The following BLTP1 variants were observed in gnomAD, a reference collection of about 807,000 sequenced individuals.
BLTP1 encodes the protein bridge-like lipid transfer protein family member 1.
chr4:122,183,923 AT>A, the BLTP1 span, among the ~76,000 whole-genome samples: 219 of 149,862 alleles, frequency 1.5e-3, 1 homozygote, highest in Middle Eastern at 0.014. Context: ...AAAGAGGTAC[AT>A]TTTTTTTTTC....
the BLTP1 span, among the ~76,000 whole-genome samples, chr4:122,309,743 T>TA: frequency 6.6e-6 from 1 of 152,044 alleles, no homozygotes. Flanking sequence ...TTTGACCAGA[T>TA]AAAGCATTTT....
chr4:122,192,271 T>C, the BLTP1 span: 1 of 1,613,134 alleles, frequency 6.2e-7, no homozygotes, highest in Non-Finnish European at 8.5e-7. Flanking sequence ...GAAGGAGAAA[T>C]GAGCAGTGAG....
At chr4:122,179,087 A>G in the BLTP1 span, among the ~76,000 whole-genome samples, 3 of 151,964 alleles carry the variant, frequency 2.0e-5, no homozygotes, top group South Asian at 4.2e-4. Flanking sequence ...AGACCAGCTT[A>G]TACAACATTA....
the BLTP1 span, chr4:122,306,720 CAGT>C: frequency 1.1e-6 from 1 of 921,322 alleles, no homozygotes; most frequent in Non-Finnish European, 1.3e-6. Context: ...GAAAATATAG[CAGT>C]AGGTTTCATA....
chr4:122,285,396 C>T, the BLTP1 span, among the ~76,000 whole-genome samples: 1 of 152,000 alleles, frequency 6.6e-6, no homozygotes, highest in Non-Finnish European at 1.5e-5. Context: ...GTGGTGGCAG[C>T]GACAGTGGTA....
At chr4:122,204,684 A>C in the BLTP1 span, 1 of 605,946 alleles carries the variant, frequency 1.7e-6, no homozygotes, top group African/African-American at 2.0e-5. Context: ...AGGTGAGAAA[A>C]TCAGTCTGAT....
At chr4:122,154,670 G>A in the BLTP1 span, among the ~76,000 whole-genome samples, 23 of 152,230 alleles carry the variant, frequency 1.5e-4, no homozygotes, top group African/African-American at 5.5e-4. Flanking sequence ...TCAGGAGATC[G>A]AGACCATCCT....
At chr4:122,268,507 GC>G in the BLTP1 span, among the ~76,000 whole-genome samples, 1 of 151,944 alleles carries the variant, frequency 6.6e-6, no homozygotes, top group Non-Finnish European at 1.5e-5. Context: ...TTCTGTCGTG[GC>G]CACTTTCCTC....
the BLTP1 span, chr4:122,344,657 GT>G: frequency 8.5e-7 from 1 of 1,183,392 alleles, no homozygotes; most frequent in Non-Finnish European, 1.2e-6. Context: ...GTCACTTAAT[GT>G]TAAGCTTTCA....
chr4:122,293,229 G>A, the BLTP1 span: 5 of 955,282 alleles, frequency 5.2e-6, no homozygotes, highest in African/African-American at 8.8e-5. Context: ...AAACTTGATT[G>A]ACACAAAAGT....
chr4:122,193,031 G>C, the BLTP1 span, among the ~76,000 whole-genome samples: 2 of 152,152 alleles, frequency 1.3e-5, no homozygotes, highest in African/African-American at 4.8e-5. Flanking sequence ...TTGACTTGTA[G>C]ATGGCTGTTG....
At chr4:122,286,614 T>A in the BLTP1 span, 5 of 1,614,116 alleles carry the variant, frequency 3.1e-6, no homozygotes, top group Non-Finnish European at 4.2e-6. Flanking sequence ...CTGCCACAGA[T>A]ATGTCAACCA....
the BLTP1 span, chr4:122,209,768 A>G: frequency 2.5e-6 from 4 of 1,592,730 alleles, no homozygotes; most frequent in African/African-American, 2.7e-5. Context: ...TCTCTGTACA[A>G]TTAAAGGAAT....
chr4:122,168,628 T>C, the BLTP1 span, among the ~76,000 whole-genome samples: 2 of 152,146 alleles, frequency 1.3e-5, no homozygotes, highest in Admixed American at 6.5e-5. Context: ...GCTCATGTTA[T>C]AAAGTTAGCC....
At chr4:122,311,877 C>T in the BLTP1 span, among the ~76,000 whole-genome samples, 8 of 152,248 alleles carry the variant, frequency 5.3e-5, no homozygotes, top group Admixed American at 1.3e-4. Context: ...ATCATTCTGT[C>T]TGTGATACAG....
chr4:122,263,208 G>A, the BLTP1 span: 14 of 984,988 alleles, frequency 1.4e-5, no homozygotes, highest in Admixed American at 8.6e-4. Flanking sequence ...TGTCAATGTA[G>A]GCATTTGGTG....
At chr4:122,286,560 A>G in the BLTP1 span, 3 of 1,614,084 alleles carry the variant, frequency 1.9e-6, no homozygotes, top group Admixed American at 5.0e-5. Context: ...CAAGATTTAC[A>G]TTTGAGCTGC....
At chr4:122,203,291 A>G in the BLTP1 span, among the ~76,000 whole-genome samples, 1 of 151,940 alleles carries the variant, frequency 6.6e-6, no homozygotes, top group African/African-American at 2.4e-5. Context: ...TATGATAAAT[A>G]TAATATAGAG....
At chr4:122,226,539 T>C in the BLTP1 span, 1 of 1,455,408 alleles carries the variant, frequency 6.9e-7, no homozygotes. Flanking sequence ...GTAAATGATA[T>C]TAAAGGTAGA....
Sources: allele counts gnomAD v4.1 joint callset (sites outside exome capture counted in the v4.1 genomes callset), GRCh38; gene constraint gnomAD v4.1.1; transcripts MANE v1.5; gene names NCBI Gene and HGNC (gene_info 2026-07-23, HGNC 2026-07-21).